Variants in TRIQK observed in about 807,000 individuals in gnomAD.
TRIQK encodes the protein triple QxxK/R motif containing.
A neutral mutation model predicts 10.8 loss-of-function variants in TRIQK; 10 were observed. That is an observed-to-expected ratio of 0.92 (90% CI 0.57 to 1.57). The LOEUF is 1.57. Among genes scored for constraint, TRIQK ranks in the 40% most tolerant of loss-of-function variants. The probability of loss-of-function intolerance (pLI) is 0.00; values close to 1 mark genes in which losing one functional copy is unlikely to be tolerated. For missense variants in TRIQK, 107 were observed against 97.7 expected (o/e 1.09, Z -0.40); for synonymous variants, 33 against 33.7 (o/e 0.98, Z 0.07).
At chr8:92,955,880 A>T (rs1812145930) in intron 1 of TRIQK, among the ~76,000 whole-genome samples, 1 of 151,738 alleles carries the variant, frequency 6.6e-6, no homozygotes, top group South Asian at 2.1e-4. Flanking sequence ...ATACCACTTT[A>T]CTCCTAGTAG....
intron 2 of TRIQK, among the ~76,000 whole-genome samples, chr8:92,919,052 C>T (rs536690716): frequency 3.3e-5 from 5 of 151,476 alleles, no homozygotes; most frequent in Middle Eastern, 3.2e-3. Context: ...GATTTAGTTC[C>T]GGGTTCTCTG....
intron 3 of TRIQK, among the ~76,000 whole-genome samples, chr8:92,915,849 C>G (rs1272301703): frequency 1.3e-5 from 2 of 151,836 alleles, no homozygotes; most frequent in Non-Finnish European, 2.9e-5. Flanking sequence ...ATATTTTTTA[C>G]TTTGTTTGCA....
chr8:92,948,988 C>T (rs926524609), intron 2 of TRIQK, among the ~76,000 whole-genome samples: 17 of 152,192 alleles, frequency 1.1e-4, no homozygotes, highest in African/African-American at 3.9e-4. Context: ...AGGTGGCCAA[C>T]TGTTCAAACC....
chr8:92,953,275 T>C (rs986324285), intron 2 of TRIQK: 3 of 152,042 alleles, frequency 2.0e-5, no homozygotes, highest in Admixed American at 2.0e-4. Flanking sequence ...CTGGATTCAT[T>C]GATCATTCAT....
chr8:92,892,180 G>A (rs951364478), intron 3 of TRIQK, 106 bp from the exon 4 acceptor site: 3 of 764,212 alleles, frequency 3.9e-6, no homozygotes, highest in Non-Finnish European at 6.0e-6. Flanking sequence ...CAGGGACACG[G>A]AGTTGCAAAG....
intron 3 of TRIQK, among the ~76,000 whole-genome samples, chr8:92,896,841 T>A (rs1401468198): frequency 6.6e-6 from 1 of 151,686 alleles, no homozygotes; most frequent in Admixed American, 6.6e-5. Flanking sequence ...TTTTAGATGT[T>A]GTTTCACTCC....
chr8:93,002,990 T>C lies in TRIQK; in HGVS notation c.-181+14619A>G, dbSNP rs147697216. Reference sequence around the variant, plus strand: ...CAAGCTCATTCTACAAGGCCAGCATTACCCTAATACCAAAACCAGACAAGG... The same window carrying C: ...CAAGCTCATTCTACAAGGCCAGCATCACCCTAATACCAAAACCAGACAAGG... On this transcript the variant is annotated intron_variant, in intron 1 of 4. Transcript: ENST00000520686. Among the ~76,000 whole-genome samples, 4 of 151,248 alleles carry C rather than the reference T, an allele frequency of 2.6e-5. No homozygotes were observed. In the East Asian group the frequency reaches 5.8e-4, roughly 22 times the overall value.
chr8:92,962,455 A>C (rs930230383), intron 1 of TRIQK, among the ~76,000 whole-genome samples: 2 of 152,212 alleles, frequency 1.3e-5, no homozygotes, highest in African/African-American at 4.8e-5. Flanking sequence ...GAAATTCTTT[A>C]TTGAGCTGAT....
At chr8:92,894,216 C>T (rs73695589) in intron 3 of TRIQK, among the ~76,000 whole-genome samples, 2,909 of 152,032 alleles carry the variant, frequency 0.019, 88 homozygotes, top group African/African-American at 0.065. Flanking sequence ...TTCTCCTTGT[C>T]GACTATGATA....
chr8:93,009,328 G>C (rs1304867366), intron 1 of TRIQK, among the ~76,000 whole-genome samples: 1 of 152,168 alleles, frequency 6.6e-6, no homozygotes, highest in East Asian at 1.9e-4. Context: ...AGACAAAAGA[G>C]GCCGGGTGCA....
intron 2 of TRIQK, among the ~76,000 whole-genome samples, chr8:92,933,280 GTATAA>G (rs1810825009): frequency 6.6e-6 from 1 of 151,834 alleles, no homozygotes; most frequent in Non-Finnish European, 1.5e-5. Flanking sequence ...TTAATTTTTT[GTATAA>G]TATTTTACAA....
chr8:92,960,203 T>C (rs1015951598), intron 1 of TRIQK, among the ~76,000 whole-genome samples: 26 of 152,064 alleles, frequency 1.7e-4, no homozygotes, highest in African/African-American at 5.8e-4. Flanking sequence ...ACTATTTGTC[T>C]ATCTATCTAT....
chr8:92,886,468 T>C lies in TRIQK; in HGVS notation c.*154A>G, dbSNP rs566896039. The C allele has an allele frequency of 7.8e-5, 42 of 540,132 alleles. No homozygotes were observed. The highest frequency in any genetic ancestry group is 2.0e-4 in the Admixed American group (6 of 29,590). The allele number at this position is 540,132 out of a possible 1,614,324, so 33.5% of individuals were successfully genotyped here. ...GCATTGCTAGGTAAGGTTCTTTTCC[T>C]GACATCCTATGCAACTATCAAAAAT... On this transcript the variant is annotated 3_prime_UTR_variant, in exon 5 of 5. Coordinates refer to ENST00000521988, the MANE Select transcript of TRIQK (RefSeq NM_001171797.2).
intron 2 of TRIQK, among the ~76,000 whole-genome samples, chr8:92,949,839 A>AAAGG (rs1811798170): frequency 7.8e-6 from 1 of 128,842 alleles, no homozygotes; most frequent in South Asian, 2.9e-4. Context: ...AGAAAGAAAG[A>AAAGG]AAGGGAGAGA....
chr8:92,885,087 AG>A lies in TRIQK; in HGVS notation c.*1534del, dbSNP rs1816405287. 1 of 441,630 alleles carries A rather than the reference AG, an allele frequency of 2.3e-6. No homozygotes were observed. 27.4% of individuals were successfully genotyped at this position (441,630 alleles called of 1,614,324 possible). On this transcript the variant is annotated 3_prime_UTR_variant, in exon 5 of 5. Transcript: ENST00000521988. ...TCTGTGAGTTCAAAGGGAAGAATCT[AG>A]TAAATAACACCGGCTAAATTTTGCC...
At chr8:92,911,336 A>C (rs1809556172) in intron 3 of TRIQK, among the ~76,000 whole-genome samples, 1 of 151,476 alleles carries the variant, frequency 6.6e-6, no homozygotes, top group Non-Finnish European at 1.5e-5. Flanking sequence ...ATCAAATTGC[A>C]AAGATGATAC....
chr8:92,963,140 T>C (rs1248180600), intron 1 of TRIQK, among the ~76,000 whole-genome samples: 1 of 152,186 alleles, frequency 6.6e-6, no homozygotes, highest in Non-Finnish European at 1.5e-5. Flanking sequence ...CAGAGTTGAA[T>C]AAAGAAAGAG....
rs3062508 is a variant in TRIQK at position 93,017,110 on chromosome 8, GGAGAGAGAGAGAGAGAGAGAGA to G, written c.-181+477_-181+498del. On this transcript the variant is annotated intron_variant, in intron 1 of 4. Coordinates refer to the TRIQK transcript ENST00000520686. ...CACAAATGTAGCAATATATATACTTGGAGAGAGAGAGAGAGAGAGAGAGAGAGAGAGAGAGAGAGAGAGAGAG... is the reference window on the plus strand; with the variant it reads ...CACAAATGTAGCAATATATATACTTGGAGAGAGAGAGAGAGAGAGAGAGAG... Among the ~76,000 whole-genome samples, 620 of 93,382 alleles carry G rather than the reference GGAGAGAGAGAGAGAGAGAGAGA, an allele frequency of 6.6e-3. 9 individuals are homozygous for G. The highest frequency in any genetic ancestry group is 0.017 in the African/African-American group (406 of 24,190). The allele number at this position is 93,382 out of a possible 152,430, so 61.3% of individuals were successfully genotyped here. A position where few individuals can be genotyped will look rare whatever the true frequency, so the allele number is the denominator to read the frequency against.
intron 2 of TRIQK, among the ~76,000 whole-genome samples, chr8:92,937,220 G>C (rs1406268655): frequency 6.6e-6 from 1 of 151,344 alleles, no homozygotes; most frequent in Non-Finnish European, 1.5e-5. Context: ...AAAGACACAT[G>C]TATTTATACA....
Sources: gnomAD v4.1 joint callset for allele counts (sites outside exome capture counted in the v4.1 genomes callset) on GRCh38, gnomAD v4.1.1 for gene constraint, MANE v1.5 for transcripts, NCBI Gene and HGNC (gene_info 2026-07-23, HGNC 2026-07-21) for gene names.